The following GTF2H3 variants were observed in gnomAD, a reference collection of about 807,000 sequenced individuals.
GTF2H3 encodes TFIIH basal transcription factor complex p34 subunit.
Under a neutral mutation model 51.1 loss-of-function variants are expected in GTF2H3, and 42 were observed. The ratio of observed to expected loss-of-function variants is 0.82; its 90% CI spans 0.64 to 1.06. The LOEUF (loss-of-function observed/expected upper bound fraction) is 1.06. Ranked by LOEUF, GTF2H3 falls within the 50% of genes least tolerant of loss-of-function variation. GTF2H3 has a pLI of 0.00. For missense variants in GTF2H3, 326 were observed against 366.1 expected (o/e 0.89, Z 0.89); for synonymous variants, 123 against 123.8 (o/e 0.99, Z 0.04).
chr12:123,659,833 A>G lies in GTF2H3; in HGVS notation c.723A>G (p.Leu241=). Residue 241 remains leucine, a synonymous_variant, in exon 11 of 13, where the codon TTA becomes TTG. Transcript: ENST00000543341. The stretch of plus-strand genomic sequence containing the variant: ...CCGATCAAGATCAGAGATCTCAGTT[A>G]ATCCTCCCACCCCCAGTTCATGTTG... ...FLPDQDQRSQ[L]ILPPPVHVDY... is the part of the protein sequence containing the mutation. The G allele has an allele frequency of 6.2e-7, 1 of 1,613,350 alleles. No homozygotes were observed. Among genetic ancestry groups the G allele is most frequent in the Non-Finnish European group, 8.5e-7 (1 of 1,179,472 alleles).
Position 123,654,946 on chromosome 12 carries a change from G to C in GTF2H3, c.509G>C (p.Ser170Thr). ...TAGGTGATTAAGGCTGCAGAAGACA[G>C]TGCGTTGCAGTATATGAACTTCATG... ...RILVIKAAED[S>T]ALQYMNFMNV... The change falls in exon 8 of 13, where the codon AGT (serine) becomes ACT (threonine). Residue 170 changes from serine (S) to threonine (T), a missense_variant. Ser to Thr is a moderately conservative substitution (Grantham distance 58). Coordinates refer to ENST00000543341, the MANE Select transcript of GTF2H3 (RefSeq NM_001516.5). 1.9e-6 allele frequency: 3 copies of C among 1,613,176 alleles called. No individual in the cohort carries two copies. Among genetic ancestry groups the C allele is most frequent in the Middle Eastern group, 1.6e-4 (1 of 6,062 alleles).
At chr12:123,642,191 G>A (rs1169034071) in intron 2 of GTF2H3, among the ~76,000 whole-genome samples, 2 of 129,672 alleles carry the variant, frequency 1.5e-5, no homozygotes, top group African/African-American at 5.9e-5. Context: ...TTTTTTTTGA[G>A]ACAGAGTCTA....
At chr12:123,639,598 G>T (rs769262484) in intron 2 of GTF2H3, among the ~76,000 whole-genome samples, 76 of 152,222 alleles carry the variant, frequency 5.0e-4, no homozygotes, top group Admixed American at 2.0e-3. Flanking sequence ...TCTCCAAGCT[G>T]CAAGCAACCA....
chr12:123,634,095 C>T (rs1410640876), intron 1 of GTF2H3, among the ~76,000 whole-genome samples: 1 of 152,142 alleles, frequency 6.6e-6, no homozygotes, highest in Admixed American at 6.5e-5. Context: ...AGACAGGGGC[C>T]TTAGTGGAGG....
chr12:123,658,515 AGAG>A (rs1352512025), intron 9 of GTF2H3, among the ~76,000 whole-genome samples: 1 of 152,128 alleles, frequency 6.6e-6, no homozygotes, highest in Non-Finnish European at 1.5e-5. Context: ...AATTTATTGT[AGAG>A]ACAGGGTTTC....
At chr12:123,648,837 A>G (rs1955484634) in intron 4 of GTF2H3, among the ~76,000 whole-genome samples, 1 of 152,192 alleles carries the variant, frequency 6.6e-6, no homozygotes, top group African/African-American at 2.4e-5. Context: ...AAATTTTTAT[A>G]GGGACGGGGT....
chr12:123,642,564 C>T (rs1466116426), intron 2 of GTF2H3, among the ~76,000 whole-genome samples: 2 of 152,244 alleles, frequency 1.3e-5, no homozygotes, highest in Middle Eastern at 3.4e-3. Flanking sequence ...GGACATAATT[C>T]GACCCACAAC....
chr12:123,642,311 C>T (rs1383692029), intron 2 of GTF2H3, among the ~76,000 whole-genome samples: 3 of 152,076 alleles, frequency 2.0e-5, no homozygotes, highest in African/African-American at 7.2e-5. Context: ...GCTGGTATTT[C>T]AGGCATGCAC....
intron 3 of GTF2H3, among the ~76,000 whole-genome samples, chr12:123,646,182 G>A (rs1342339784): frequency 6.6e-6 from 1 of 151,952 alleles, no homozygotes; most frequent in Admixed American, 6.6e-5. Context: ...GAATAATTTG[G>A]GCCATATTTA....
At position 123,660,196 on chromosome 12, in the gene GTF2H3, G is replaced by A. The variant is rs745727804; in HGVS notation, c.888G>A (p.Val296=). ...ETAFKISLPP[V]LKAKKKKLKV... ...CCTTTAAAATTTCTCTGCCTCCAGT[G>A]CTGAAAGCCAAGAAAAAGAAACTGA... The change falls in exon 13 of 13, where the codon GTG becomes GTA. Residue 296 remains valine (V), a synonymous_variant. Coordinates refer to ENST00000543341, the MANE Select transcript of GTF2H3 (RefSeq NM_001516.5). 1 of 1,611,490 alleles carries A rather than the reference G, an allele frequency of 6.2e-7. No individual in the cohort carries two copies.
intron 1 of GTF2H3, among the ~76,000 whole-genome samples, chr12:123,634,238 C>T (rs1955238610): frequency 6.6e-6 from 1 of 152,034 alleles, no homozygotes; most frequent in Non-Finnish European, 1.5e-5. Flanking sequence ...GCCGGGAGTT[C>T]GAGACCTGCC....
At chr12:123,649,113 C>G (rs921422192) in intron 4 of GTF2H3, 2 of 152,354 alleles carry the variant, frequency 1.3e-5, no homozygotes, top group African/African-American at 4.8e-5. Flanking sequence ...ATTATAGGCA[C>G]GTACCACCAT....
At position 123,659,864 on chromosome 12, in the gene GTF2H3, A is replaced by G; in HGVS notation, c.754A>G (p.Arg252Gly). 1 of 1,613,940 alleles carries G rather than the reference A, an allele frequency of 6.2e-7. No homozygotes were observed. The highest frequency in any genetic ancestry group is 8.5e-7 in the Non-Finnish European group (1 of 1,179,812). ...ILPPPVHVDY[R>G]AACFCHRNLI... is the part of the protein sequence containing the mutation. Reference sequence around the variant, plus strand: ...CCCACCCCCAGTTCATGTTGACTACAGGGCTGCTTGCTTCTGTCATCGAAA... The same window carrying G: ...CCCACCCCCAGTTCATGTTGACTACGGGGCTGCTTGCTTCTGTCATCGAAA... Residue 252 changes from arginine to glycine, a missense_variant, in exon 11 of 13, where the codon AGG becomes GGG. Transcript: ENST00000543341.
intron 4 of GTF2H3, chr12:123,650,617 T>G (rs1372497431): frequency 6.3e-6 from 1 of 158,922 alleles, no homozygotes; most frequent in Non-Finnish European, 1.4e-5. Context: ...AATATTTAAG[T>G]GTACAGTTCA....
intron 9 of GTF2H3, among the ~76,000 whole-genome samples, chr12:123,657,180 T>G (rs1414839753): frequency 3.3e-5 from 5 of 152,196 alleles, no homozygotes; most frequent in Non-Finnish European, 7.4e-5. Flanking sequence ...TGCCTTTTTT[T>G]TTTTTAACAG....
At chr12:123,657,482 G>T (rs577175396) in intron 9 of GTF2H3, among the ~76,000 whole-genome samples, 2 of 152,154 alleles carry the variant, frequency 1.3e-5, no homozygotes, top group African/African-American at 2.4e-5. Flanking sequence ...AGCTCTTCCC[G>T]CAGGTGTTTG....
chr12:123,657,334 T>C (rs1009449247), intron 9 of GTF2H3, among the ~76,000 whole-genome samples: 1 of 152,250 alleles, frequency 6.6e-6, no homozygotes, highest in Non-Finnish European at 1.5e-5. Context: ...TGCTGCTTGC[T>C]GAGGCTCCTG....
intron 9 of GTF2H3, among the ~76,000 whole-genome samples, chr12:123,656,942 G>T (rs913771453): frequency 1.3e-5 from 2 of 152,012 alleles, no homozygotes; most frequent in African/African-American, 4.8e-5. Flanking sequence ...AAAAAAATTA[G>T]CCTATCATGG....
chr12:123,636,957 C>A, intron 1 of GTF2H3, among the ~76,000 whole-genome samples: 2 of 151,794 alleles, frequency 1.3e-5, no homozygotes, highest in Middle Eastern at 6.8e-3. Flanking sequence ...TGGTAGTGCA[C>A]GCCTGTTGTC....
Sources: gnomAD v4.1 joint callset for allele counts (sites outside exome capture counted in the v4.1 genomes callset) on GRCh38, gnomAD v4.1.1 for gene constraint, MANE v1.5 for transcripts, NCBI Gene and HGNC (gene_info 2026-07-23, HGNC 2026-07-21) for gene names.